Variants in EIF4E2 observed in about 807,000 individuals in gnomAD.
The protein encoded by EIF4E2 is eukaryotic translation initiation factor 4E family member 2, also known as eukaryotic translation initiation factor 4E type 2.
Under a neutral mutation model 34.2 loss-of-function variants are expected in EIF4E2, and 13 were observed. The observed-to-expected ratio is 0.38, with a 90% CI of 0.25 to 0.60. EIF4E2 has a LOEUF of 0.60. EIF4E2 is among the 20% of genes least tolerant of loss of function. The pLI, the probability that EIF4E2 is intolerant of heterozygous loss-of-function variation, is 0.62. For synonymous variants in EIF4E2, 100 were observed against 106.6 expected (o/e 0.94, Z 0.38); for missense variants, 222 against 315.1 (o/e 0.70, Z 2.24).
At chr2:232,565,469 AC>A (rs1297800358) in intron 4 of EIF4E2, among the ~76,000 whole-genome samples, 2 of 152,042 alleles carry the variant, frequency 1.3e-5, no homozygotes, top group Non-Finnish European at 1.5e-5. Context: ...CCCCGTCTCT[AC>A]TAAAAATACA....
chr2:232,567,390 T>C lies in EIF4E2; in HGVS notation c.665+176T>C, dbSNP rs553426120. On this transcript the variant is annotated intron_variant, in intron 6 of 6. Transcript: ENST00000258416. ...GCAGTTCTTTGTCAGCGAGGCTCCC[T>C]GCCACCTATACTACCAGGTGCTTTG... 3,465 of 1,424,638 alleles carry C rather than the reference T, an allele frequency of 2.4e-3. 9 individuals are homozygous for C. Among genetic ancestry groups the C allele is most frequent in the Admixed American group, 4.5e-3 (146 of 32,330 alleles). 88.2% of individuals were successfully genotyped at this position (1,424,638 alleles called of 1,614,324 possible).
chr2:232,563,369 C>G (rs1057284407), intron 3 of EIF4E2, among the ~76,000 whole-genome samples: 1 of 149,698 alleles, frequency 6.7e-6, no homozygotes, highest in African/African-American at 2.5e-5. Flanking sequence ...CATACTGCTG[C>G]GTAGACCCTG....
intron 1 of EIF4E2, among the ~76,000 whole-genome samples, chr2:232,555,060 C>A (rs1692474415): frequency 6.6e-6 from 1 of 152,168 alleles, no homozygotes; most frequent in African/African-American, 2.4e-5. Context: ...ATGGGCAGAG[C>A]AGGCACCCCA....
chr2:232,556,434 T>C lies in EIF4E2; in HGVS notation c.39T>C (p.Ser13=), dbSNP rs1273121464. The C allele has an allele frequency of 1.9e-6, 3 of 1,613,654 alleles. No homozygotes were observed. The highest frequency in any genetic ancestry group is 2.2e-5 in the South Asian group (2 of 90,998). Residue 13 remains serine (S), a synonymous_variant, in exon 2 of 7, where the codon AGT becomes AGC. Coordinates refer to ENST00000258416, the MANE Select transcript of EIF4E2 (RefSeq NM_004846.4). ...CATTCAGTTTGAAAGATGATGACAGTGGGGACCATGATCAGAATGAAGAAA... is the reference window on the plus strand; with the variant it reads ...CATTCAGTTTGAAAGATGATGACAGCGGGGACCATGATCAGAATGAAGAAA... ...NKFDALKDDD[S]GDHDQNEENS... is the part of the protein sequence containing the mutation.
chr2:232,561,015 T>C (rs1238210870), intron 3 of EIF4E2, among the ~76,000 whole-genome samples: 1 of 152,230 alleles, frequency 6.6e-6, no homozygotes, highest in Non-Finnish European at 1.5e-5. Context: ...GAATTTCTAA[T>C]ACAGGGAAGA....
chr2:232,562,846 A>G (rs377345811), intron 3 of EIF4E2, among the ~76,000 whole-genome samples: 12 of 152,250 alleles, frequency 7.9e-5, no homozygotes, highest in East Asian at 5.8e-4. Flanking sequence ...ACCATTTACT[A>G]TTCCGAGTCA....
At chr2:232,563,612 CTTAGCAA>C (rs749613303) in intron 3 of EIF4E2, among the ~76,000 whole-genome samples, 1 of 152,128 alleles carries the variant, frequency 6.6e-6, no homozygotes, top group Non-Finnish European at 1.5e-5. Context: ...TTGGCCTGGA[CTTAGCAA>C]CAGCACCATG....
chr2:232,580,537 G>A (rs562188993), intron 6 of EIF4E2, among the ~76,000 whole-genome samples: 1 of 152,304 alleles, frequency 6.6e-6, no homozygotes, highest in South Asian at 2.1e-4. Flanking sequence ...ACAGAAGGTA[G>A]TATACCGTGT....
chr2:232,560,838 G>T (rs138477867), intron 3 of EIF4E2, among the ~76,000 whole-genome samples: 293 of 152,284 alleles, frequency 1.9e-3, no homozygotes, highest in African/African-American at 6.4e-3. Context: ...GTTTGCCAGT[G>T]CTATCTTAGA....
downstream of EIF4E2, among the ~76,000 whole-genome samples, chr2:232,569,399 TAAG>T (rs1235759511): frequency 6.6e-6 from 1 of 152,118 alleles, no homozygotes; most frequent in Non-Finnish European, 1.5e-5. Context: ...CCTGACATAA[TAAG>T]GTGACATCTA....
In EIF4E2 at chr2:232,558,975, C is replaced by A. The variant is rs116639515; in HGVS notation, c.270+957C>A. ...TAGTTGAACAAAGGTTATTATGTACCCAGTGTGTGCTGTACATTCAATCTC... is the reference window on the plus strand; with the variant it reads ...TAGTTGAACAAAGGTTATTATGTACACAGTGTGTGCTGTACATTCAATCTC... On this transcript the variant is annotated intron_variant, in intron 3 of 6. Coordinates refer to ENST00000258416, the MANE Select transcript of EIF4E2 (RefSeq NM_004846.4). Among the ~76,000 whole-genome samples the A allele has an allele frequency of 9.3e-3, 1,404 of 151,746 alleles. 18 individuals are homozygous for A. The highest frequency in any genetic ancestry group is 0.032 in the African/African-American group (1,341 of 41,310).
At chr2:232,567,840 C>T (rs1692988413) in intron 6 of EIF4E2, 1 of 985,370 alleles carries the variant, frequency 1.0e-6, no homozygotes, top group African/African-American at 1.7e-5. Flanking sequence ...GCTTGCTCCT[C>T]AGTGATTGAG....
rs1693023767 is a variant in EIF4E2 at position 232,568,953 on chromosome 2, G to C, written c.674G>C (p.Gly225Ala). 1.2e-6 allele frequency: 2 copies of C among 1,614,016 alleles called. No homozygotes were observed. The highest frequency in any genetic ancestry group is 3.3e-5 in the Admixed American group (2 of 59,998). ...KTHTDSIKMP[G>A]RLGPQRLLFQ... ...TTTTGCACTTCCACTAGAATGCCAGGCAGGCTGGGCCCCCAAAGGCTCCTT... is the reference window on the plus strand; with the variant it reads ...TTTTGCACTTCCACTAGAATGCCAGCCAGGCTGGGCCCCCAAAGGCTCCTT... Residue 225 changes from glycine (G) to alanine (A), a missense_variant, in exon 7 of 7, where the codon GGC becomes GCC. Around this residue, in one of 3 missense-constraint regions of EIF4E2, gnomAD observed 30 missense variants for 26.3 expected, o/e 1.14. Transcript: ENST00000258416.
chr2:232,556,521 C>T lies in EIF4E2; in HGVS notation c.126C>T (p.Ser42=), dbSNP rs1227539710. The T allele has an allele frequency of 1.2e-6, 2 of 1,610,590 alleles. No homozygotes were observed. Among genetic ancestry groups the T allele is most frequent in the Non-Finnish European group, 1.7e-6 (2 of 1,177,978 alleles). The change falls in exon 2 of 7, where the codon AGC becomes AGT. Residue 42 remains serine (S), a synonymous_variant. Coordinates refer to ENST00000258416, the MANE Select transcript of EIF4E2 (RefSeq NM_004846.4). ...AACGAGACAAGAATCAGAGCAGTAG[C>T]AAGAGAAAGGTGAGTGTTGGCTGCA... The part of the protein sequence containing the change: ...KTERDKNQSS[S]KRKAVVPGPA...
At chr2:232,572,760 A>C (rs928819079), downstream of EIF4E2, among the ~76,000 whole-genome samples, 1 of 152,182 alleles carries the variant, frequency 6.6e-6, no homozygotes, top group African/African-American at 2.4e-5. Context: ...ACTGGAATGG[A>C]GTAGGAGGGA....
chr2:232,552,469 T>C (rs945169032), intron 1 of EIF4E2, among the ~76,000 whole-genome samples: 4 of 152,152 alleles, frequency 2.6e-5, no homozygotes, highest in Non-Finnish European at 5.9e-5. Flanking sequence ...CCTTGCCTCC[T>C]AAAGTGCTGG....
At chr2:232,561,331 A>C (rs1427655176) in intron 3 of EIF4E2, among the ~76,000 whole-genome samples, 2 of 152,210 alleles carry the variant, frequency 1.3e-5, no homozygotes, top group East Asian at 1.9e-4. Flanking sequence ...TCTTGTGAAA[A>C]AAAAAAGCAT....
chr2:232,551,796 CAGAGAG>C (rs1559310817), intron 1 of EIF4E2, among the ~76,000 whole-genome samples: 1 of 152,188 alleles, frequency 6.6e-6, no homozygotes, highest in Non-Finnish European at 1.5e-5. Flanking sequence ...GTTTCCAATA[CAGAGAG>C]TACTGTGCAA....
chr2:232,554,311 T>C (rs1692443796), intron 1 of EIF4E2, among the ~76,000 whole-genome samples: 1 of 152,044 alleles, frequency 6.6e-6, no homozygotes. Context: ...AACAGAAGGA[T>C]AAAATGGGGG....
Sources: gnomAD v4.1 joint callset for allele counts (sites outside exome capture counted in the v4.1 genomes callset) on GRCh38, gnomAD v4.1.1 for gene constraint, gnomAD v4.1.1 regional missense constraint, MANE v1.5 for transcripts, NCBI Gene and HGNC (gene_info 2026-07-23, HGNC 2026-07-21) for gene names.